ZNF782: variants seen among roughly 807,000 people sequenced by gnomAD.
The protein encoded by ZNF782 is zinc finger protein 782.
Under a neutral mutation model 13.0 loss-of-function variants are expected in ZNF782, and 12 were observed. The ratio of observed to expected loss-of-function variants is 0.92; its 90% CI spans 0.59 to 1.50. The LOEUF (loss-of-function observed/expected upper bound fraction) is 1.50, where lower values mean the gene tolerates loss of function less well. Ranked by LOEUF, ZNF782 falls within the 40% of genes most tolerant of loss-of-function variation. The probability of loss-of-function intolerance (pLI) is 0.00; values close to 1 mark genes in which losing one functional copy is unlikely to be tolerated. For missense variants in ZNF782, 770 were observed against 822.9 expected (o/e 0.94, Z 0.79); for synonymous variants, 284 against 283.0 (o/e 1.00, Z -0.04).
chr9:96,864,336 A>G (rs1208524997), intron 1 of ZNF782, among the ~76,000 whole-genome samples: 3 of 152,012 alleles, frequency 2.0e-5, no homozygotes, highest in Non-Finnish European at 2.9e-5. Context: ...CACAATTAAA[A>G]TATGTTTTTG....
chr9:96,921,119 T>C, the ZNF782 span, among the ~76,000 whole-genome samples: 1 of 147,960 alleles, frequency 6.8e-6, no homozygotes, highest in Non-Finnish European at 1.5e-5. Flanking sequence ...TCTTGGCCTT[T>C]ATCCTACAAA....
At chr9:96,833,741 C>G (rs1850886366) in intron 4 of ZNF782, among the ~76,000 whole-genome samples, 1 of 152,140 alleles carries the variant, frequency 6.6e-6, no homozygotes, top group Non-Finnish European at 1.5e-5. Context: ...GAATTATGCT[C>G]CACTTCCTTG....
chr9:96,848,799 T>A lies in ZNF782; in HGVS notation c.15+3148A>T, dbSNP rs928924933. ...TGCAATTCTCATCAAAATACCAACA[T>A]CTTTTACATAATTAGAAAAAACAAT... On this transcript the variant is annotated intron_variant, in intron 3 of 5. Transcript: ENST00000481138. 6.6e-5 allele frequency among the ~76,000 whole-genome samples: 10 copies of A among 152,044 alleles called. No homozygotes were observed. In the East Asian group the frequency reaches 9.7e-4, roughly 15 times the overall value.
chr9:96,843,640 C>G (rs992548440), intron 4 of ZNF782, among the ~76,000 whole-genome samples: 1 of 152,118 alleles, frequency 6.6e-6, no homozygotes, highest in Admixed American at 6.6e-5. Flanking sequence ...TAAAATGGCA[C>G]AGAGCTATTC....
chr9:96,867,790 G>A (rs1588176201), intron 1 of ZNF782, among the ~76,000 whole-genome samples: 1 of 152,296 alleles, frequency 6.6e-6, no homozygotes. Context: ...GTGCATTAGA[G>A]GCTGTCACCT....
chr9:96,839,974 T>C (rs1235552461), intron 4 of ZNF782, among the ~76,000 whole-genome samples: 1 of 152,198 alleles, frequency 6.6e-6, no homozygotes, highest in African/African-American at 2.4e-5. Context: ...CTGCAATGAA[T>C]AACCTTGTGT....
At chr9:96,889,747 C>T in the ZNF782 span, 1 of 152,058 alleles carries the variant, frequency 6.6e-6, no homozygotes, top group East Asian at 1.9e-4. Flanking sequence ...CATCTTTATC[C>T]TGTACTTGGG....
At chr9:96,844,454 G>A (rs547922096) in intron 4 of ZNF782, among the ~76,000 whole-genome samples, 26 of 152,174 alleles carry the variant, frequency 1.7e-4, no homozygotes, top group Middle Eastern at 3.4e-3. Flanking sequence ...AGTTTCAAAA[G>A]CATTATACTA....
At chr9:96,877,455 T>G (rs947893386), upstream of ZNF782, among the ~76,000 whole-genome samples, 3 of 152,354 alleles carry the variant, frequency 2.0e-5, no homozygotes, top group East Asian at 5.8e-4. Context: ...CGGACCCGCG[T>G]GGCTCCAGCC....
At chr9:96,831,553 CA>C (rs550807709) in intron 4 of ZNF782, among the ~76,000 whole-genome samples, 9 of 148,160 alleles carry the variant, frequency 6.1e-5, no homozygotes, top group South Asian at 4.3e-4. Context: ...ACTAAAAATA[CA>C]AAAAAAAAAT....
At chr9:96,819,846 G>T in intron 5 of ZNF782, 68 bp from the exon 6 acceptor site, 1 of 1,181,708 alleles carries the variant, frequency 8.5e-7, no homozygotes, top group South Asian at 1.7e-5. Flanking sequence ...GGACATATAT[G>T]TATATATATG....
chr9:96,821,301 A>T (rs1850408662), intron 5 of ZNF782, among the ~76,000 whole-genome samples: 1 of 152,176 alleles, frequency 6.6e-6, no homozygotes, highest in Non-Finnish European at 1.5e-5. Context: ...ATCACCAGTA[A>T]ATAGTATATT....
At chr9:96,826,355 C>T (rs1307677036) in intron 5 of ZNF782, among the ~76,000 whole-genome samples, 1 of 150,270 alleles carries the variant, frequency 6.7e-6, no homozygotes, top group Admixed American at 6.7e-5. Flanking sequence ...ACAATGAGAA[C>T]ACATGGACAC....
the ZNF782 span, among the ~76,000 whole-genome samples, chr9:96,923,174 A>AAC: frequency 8.4e-3 from 1,244 of 148,978 alleles, 33 homozygotes; most frequent in African/African-American, 0.029. Flanking sequence ...CATGCCCTTG[A>AAC]ACACACACAC....
At chr9:96,929,043 G>T in the ZNF782 span, 8 of 1,610,684 alleles carry the variant, frequency 5.0e-6, no homozygotes, top group Middle Eastern at 1.7e-4. Context: ...AAATGGAGGT[G>T]AGCCTGTAGG....
At chr9:96,922,699 G>A in the ZNF782 span, among the ~76,000 whole-genome samples, 6 of 151,290 alleles carry the variant, frequency 4.0e-5, no homozygotes, top group East Asian at 3.9e-4. Flanking sequence ...GCGTGAACCC[G>A]GGAGGCGGAG....
chr9:96,879,742 G>A (rs753914740), upstream of ZNF782, among the ~76,000 whole-genome samples: 1 of 152,214 alleles, frequency 6.6e-6, no homozygotes, highest in Non-Finnish European at 1.5e-5. Flanking sequence ...CTCTTTTGGA[G>A]CAATTGTAAT....
chr9:96,834,470 T>C (rs751375164), intron 4 of ZNF782, among the ~76,000 whole-genome samples: 54 of 152,188 alleles, frequency 3.5e-4, no homozygotes, highest in Admixed American at 6.5e-4. Context: ...AATACACCAT[T>C]CAATGGGCGT....
chr9:96,816,478 G>C lies in ZNF782; in HGVS notation c.*1445C>G, dbSNP rs535266678. 6.6e-5 allele frequency: 10 copies of C among 152,150 alleles called. No homozygotes were observed. Among genetic ancestry groups the C allele is most frequent in the African/African-American group, 2.4e-4 (10 of 41,494 alleles). 9.4% of individuals were successfully genotyped at this position (152,150 alleles called of 1,614,324 possible). A position where few individuals can be genotyped will look rare whatever the true frequency, so the allele number is the denominator to read the frequency against. On this transcript the variant is annotated 3_prime_UTR_variant, in exon 6 of 6. Coordinates refer to ENST00000481138, the MANE Select transcript of ZNF782 (RefSeq NM_001001662.3). The stretch of plus-strand genomic sequence containing the variant: ...CACATATTTGCAACACTGCTTTTCA[G>C]TTTATGCAGTTTATTTTTTGTTCTT...
Sources: allele counts gnomAD v4.1 joint callset (sites outside exome capture counted in the v4.1 genomes callset), GRCh38; gene constraint gnomAD v4.1.1; transcripts MANE v1.5; gene names NCBI Gene and HGNC (gene_info 2026-07-23, HGNC 2026-07-21).